The following C3orf33 variants were observed in gnomAD, a reference collection of about 807,000 sequenced individuals.
The protein encoded by C3orf33 is mitochondrial inner membrane subdomain organizer 1, also known as AP-1 activity suppressor.
A neutral mutation model predicts 28.7 loss-of-function variants in C3orf33; 23 were observed. The ratio of observed to expected loss-of-function variants is 0.80; its 90% confidence interval spans 0.58 to 1.13. The LOEUF is 1.13. C3orf33 is among the 50% of genes most tolerant of loss of function. The pLI is 0.00. For missense variants in C3orf33, 327 were observed against 353.4 expected (o/e 0.93, Z 0.60); for synonymous variants, 119 against 120.5 (o/e 0.99, Z 0.08).
chr3:155,779,700 G>A (rs1442298355), intron 2 of C3orf33, among the ~76,000 whole-genome samples: 7 of 152,198 alleles, frequency 4.6e-5, no homozygotes, highest in East Asian at 1.9e-4. Context: ...AGAACTGACA[G>A]TACTTTGCCC....
intron 3 of C3orf33, among the ~76,000 whole-genome samples, chr3:155,768,923 C>G (rs1750492349): frequency 1.3e-5 from 2 of 152,128 alleles, no homozygotes; most frequent in Non-Finnish European, 2.9e-5. Context: ...CTCCTGTAAT[C>G]CCAGCACTTT....
At chr3:155,789,174 G>A (rs1036676224) in intron 2 of C3orf33, among the ~76,000 whole-genome samples, 7 of 151,880 alleles carry the variant, frequency 4.6e-5, no homozygotes, top group Non-Finnish European at 7.4e-5. Flanking sequence ...GTGAAACCCC[G>A]TCTCTACTAA....
intron 1 of C3orf33, among the ~76,000 whole-genome samples, chr3:155,803,788 A>G (rs1751725570): frequency 6.6e-6 from 1 of 151,568 alleles, no homozygotes; most frequent in Non-Finnish European, 1.5e-5. Flanking sequence ...AGGCTGAGGC[A>G]CGAGAATCGC....
chr3:155,782,850 T>C (rs770054623), intron 2 of C3orf33, among the ~76,000 whole-genome samples: 1 of 152,206 alleles, frequency 6.6e-6, no homozygotes, highest in East Asian at 1.9e-4. Context: ...TTATAAACAC[T>C]AATATTATTG....
In C3orf33 at chr3:155,775,778, C is replaced by A. The variant is rs759430996; in HGVS notation, c.245G>T (p.Arg82Leu). ...ACCATTCTCAGTTATTCGGCGTAATCGTCCACGTAGTTTAACATTTCTTCT... is the reference window on the plus strand; with the variant it reads ...ACCATTCTCAGTTATTCGGCGTAATAGTCCACGTAGTTTAACATTTCTTCT... ...FIRRNVKLRG[R>L]LRRITENGLE... is the part of the protein sequence containing the mutation. The change falls in exon 3 of 5, where the codon CGA (arginine) becomes CTA (leucine). Residue 82 changes from arginine to leucine, a missense_variant. Transcript: ENST00000340171. 1 of 1,595,216 alleles carries A rather than the reference C, an allele frequency of 6.3e-7. No individual in the cohort carries two copies. The highest frequency in any genetic ancestry group is 1.7e-5 in the Admixed American group (1 of 59,504).
intron 2 of C3orf33, among the ~76,000 whole-genome samples, chr3:155,777,781 G>C (rs1463588250): frequency 1.3e-5 from 2 of 152,106 alleles, no homozygotes; most frequent in Non-Finnish European, 2.9e-5. Flanking sequence ...AACAAATTCA[G>C]ATTATAGAAC....
chr3:155,767,929 G>A (rs984350038), intron 3 of C3orf33, among the ~76,000 whole-genome samples: 2 of 151,822 alleles, frequency 1.3e-5, no homozygotes, highest in Non-Finnish European at 2.9e-5. Context: ...ACCTAGGCTG[G>A]AGTACAGTGG....
intron 1 of C3orf33, among the ~76,000 whole-genome samples, chr3:155,803,389 C>T (rs1751709919): frequency 6.6e-6 from 1 of 151,600 alleles, no homozygotes; most frequent in Non-Finnish European, 1.5e-5. Context: ...AACGGTGAAA[C>T]CTCGTCTCTA....
At chr3:155,797,466 A>T (rs1426130184) in intron 2 of C3orf33, among the ~76,000 whole-genome samples, 3 of 152,182 alleles carry the variant, frequency 2.0e-5, no homozygotes, top group Non-Finnish European at 4.4e-5. Context: ...GAGCACTCAG[A>T]CAAAAGAAAG....
chr3:155,793,005 G>T (rs996435639), intron 2 of C3orf33, among the ~76,000 whole-genome samples: 1 of 151,928 alleles, frequency 6.6e-6, no homozygotes, highest in South Asian at 2.1e-4. Context: ...AGATTTAACC[G>T]AAAGACGATC....
intron 2 of C3orf33, among the ~76,000 whole-genome samples, chr3:155,781,396 TA>T (rs1312071832): frequency 6.6e-6 from 1 of 152,180 alleles, no homozygotes; most frequent in Non-Finnish European, 1.5e-5. Context: ...GTTTTTGTTT[TA>T]ATCACTTAAT....
chr3:155,805,817 C>T (rs981244087), intron 1 of C3orf33: 1 of 495,902 alleles, frequency 2.0e-6, no homozygotes. Flanking sequence ...CCTCTCTGGG[C>T]CCTCCCCAAA....
chr3:155,798,152 C>T (rs1751535063), intron 2 of C3orf33, among the ~76,000 whole-genome samples: 2 of 151,800 alleles, frequency 1.3e-5, no homozygotes, highest in East Asian at 1.9e-4. Context: ...TTTCCATGTT[C>T]ATGGGTGGAT....
intron 2 of C3orf33, among the ~76,000 whole-genome samples, chr3:155,790,089 G>A (rs1241279214): frequency 5.5e-5 from 8 of 146,676 alleles, no homozygotes; most frequent in Admixed American, 1.4e-4. Flanking sequence ...ACTTGAACCC[G>A]GGAGGCAGAA....
chr3:155,777,274 A>G (rs1750778762), intron 2 of C3orf33, among the ~76,000 whole-genome samples: 1 of 151,910 alleles, frequency 6.6e-6, no homozygotes, highest in Admixed American at 6.6e-5. Flanking sequence ...AGATCGCACC[A>G]TTGCACTCCA....
chr3:155,806,222 G>C lies in C3orf33; in HGVS notation c.31C>G (p.Pro11Ala). ...TCCATTCCGTCCTTGTCGGCAGACGGCGAGCCGGTGGCCGCGGGCTGCCCC... is the reference window on the plus strand; with the variant it reads ...TCCATTCCGTCCTTGTCGGCAGACGCCGAGCCGGTGGCCGCGGGCTGCCCC... MAGQPAATGSPSADKDGMEPN... is the reference protein window; with the variant it reads MAGQPAATGSASADKDGMEPN... The change falls in exon 1 of 5, where the codon CCG (proline) becomes GCG (alanine). Residue 11 changes from proline to alanine, a missense_variant. By Grantham distance (27) the Pro-to-Ala change is conservative. Transcript: ENST00000340171. 6.7e-7 allele frequency: 1 copy of C among 1,483,292 alleles called. No homozygotes were observed. Among genetic ancestry groups the C allele is most frequent in the Non-Finnish European group, 9.0e-7 (1 of 1,116,462 alleles). The allele number at this position is 1,483,292 out of a possible 1,614,324, so 91.9% of individuals were successfully genotyped here. A position where few individuals can be genotyped will look rare whatever the true frequency, so the allele number is the denominator to read the frequency against.
chr3:155,763,880 C>A lies in C3orf33; in HGVS notation c.522G>T (p.Leu174Phe). 2 of 1,497,794 alleles carry A rather than the reference C, an allele frequency of 1.3e-6. No individual in the cohort carries two copies. The highest frequency in any genetic ancestry group is 1.8e-6 in the Non-Finnish European group (2 of 1,128,260). The allele number at this position is 1,497,794 out of a possible 1,614,324, so 92.8% of individuals were successfully genotyped here. The part of the protein sequence containing the change: ...YFSVNLNEEI[L>F]RRGLGKTVLV... ...GAACAGTTTTGCCAAGGCCTCTTCTCAAAATTTCTTCATTCAGATTCACGC... is the reference window on the plus strand; with the variant it reads ...GAACAGTTTTGCCAAGGCCTCTTCTAAAAATTTCTTCATTCAGATTCACGC... The change falls in exon 5 of 5, where the codon TTG (leucine) becomes TTT (phenylalanine). Residue 174 changes from leucine to phenylalanine, a missense_variant. Coordinates refer to ENST00000340171, the MANE Select transcript of C3orf33 (RefSeq NM_001308229.2).
intron 2 of C3orf33, among the ~76,000 whole-genome samples, chr3:155,801,537 G>C (rs1751650717): frequency 6.6e-6 from 1 of 152,074 alleles, no homozygotes; most frequent in South Asian, 2.1e-4. Context: ...AATATTGTCA[G>C]TCTTAAAAAG....
intron 2 of C3orf33, among the ~76,000 whole-genome samples, chr3:155,778,952 T>A (rs1328960783): frequency 6.6e-6 from 1 of 152,086 alleles, no homozygotes; most frequent in Admixed American, 6.5e-5. Flanking sequence ...GGATAAGTAT[T>A]CAAAAAGATT....
Sources: allele counts gnomAD v4.1 joint callset (sites outside exome capture counted in the v4.1 genomes callset), GRCh38; gene constraint gnomAD v4.1.1; transcripts MANE v1.5; gene names NCBI Gene and HGNC (gene_info 2026-07-23, HGNC 2026-07-21).